TMEM131: variants seen among roughly 807,000 people sequenced by gnomAD.
TMEM131 encodes 2610524E03Rik.
A neutral mutation model predicts 211.6 loss-of-function variants in TMEM131; 66 were observed. That is an observed-to-expected ratio of 0.31 (90% CI 0.26 to 0.38). The LOEUF (loss-of-function observed/expected upper bound fraction) is 0.38, where lower values mean the gene tolerates loss of function less well. Among genes scored for constraint, TMEM131 ranks in the 10% least tolerant of loss-of-function variants. The probability of loss-of-function intolerance (pLI) is 1.00; values close to 1 mark genes in which losing one functional copy is unlikely to be tolerated. For synonymous variants in TMEM131, 844 were observed against 841.3 expected (o/e 1.00, Z -0.06); for missense variants, 2,036 against 2,299.3 (o/e 0.89, Z 2.34).
At chr2:97,827,362 G>A in intron 11 of TMEM131, 1 of 856,202 alleles carries the variant, frequency 1.2e-6, no homozygotes, top group Non-Finnish European at 2.1e-6. Flanking sequence ...GCCGAAAAAG[G>A]CAGCAGCGAA....
At chr2:97,988,279 C>T (rs1404503392) in intron 1 of TMEM131, among the ~76,000 whole-genome samples, 2 of 152,112 alleles carry the variant, frequency 1.3e-5, no homozygotes, top group Non-Finnish European at 2.9e-5. Flanking sequence ...GAGTTATACC[C>T]TTTATCTTAC....
intron 1 of TMEM131, among the ~76,000 whole-genome samples, chr2:97,979,792 T>C (rs1257921925): frequency 1.3e-5 from 2 of 152,214 alleles, no homozygotes; most frequent in African/African-American, 4.8e-5. Flanking sequence ...AGAGTAGCAC[T>C]TTTAACTTCC....
At chr2:97,887,928 T>A (rs1675226816) in intron 4 of TMEM131, 124 bp downstream of exon 4, 2 of 697,914 alleles carry the variant, frequency 2.9e-6, no homozygotes, top group East Asian at 5.5e-5. Context: ...TCATTTGTTT[T>A]CCTGATGACT....
intron 3 of TMEM131, among the ~76,000 whole-genome samples, chr2:97,895,520 C>CTA (rs1405433560): frequency 6.6e-6 from 1 of 152,092 alleles, no homozygotes; most frequent in Non-Finnish European, 1.5e-5. Flanking sequence ...GGTTGGTAGG[C>CTA]TATTAATCAC....
chr2:97,875,114 A>C (rs1206489127), intron 4 of TMEM131, among the ~76,000 whole-genome samples: 1 of 152,242 alleles, frequency 6.6e-6, no homozygotes, highest in African/African-American at 2.4e-5. Context: ...CAAAAGAGAC[A>C]AAGAAGGGCA....
intron 1 of TMEM131, among the ~76,000 whole-genome samples, chr2:97,973,675 A>G (rs776662396): frequency 3.3e-5 from 5 of 152,250 alleles, no homozygotes; most frequent in Non-Finnish European, 7.3e-5. Flanking sequence ...CAAAAGGATT[A>G]GAGGAACAAT....
chr2:97,984,296 T>C lies in TMEM131; in HGVS notation c.187+11180A>G, dbSNP rs115676682. Reference sequence around the variant, plus strand: ...GTATTTCTACATTTTCATTTTTTCATAGAAAATTTAACAGCAACTTTCCTA... The same window carrying C: ...GTATTTCTACATTTTCATTTTTTCACAGAAAATTTAACAGCAACTTTCCTA... On this transcript the variant is annotated intron_variant, in intron 1 of 40. Transcript: ENST00000186436. Among the ~76,000 whole-genome samples the C allele has an allele frequency of 2.8e-3, 421 of 152,314 alleles. 3 individuals carry two copies. Among genetic ancestry groups the C allele is most frequent in the African/African-American group, 9.6e-3 (401 of 41,576 alleles).
chr2:97,795,028 A>G lies in TMEM131; in HGVS notation c.3288T>C (p.Asn1096=). ...CTAACATATGGTAAGGAAGGGATGC[A>G]TTCAATATAAATACAAACTCAGAGC... ...TSGSEFVFIL[N]ASLPYHMLAT... Residue 1096 remains asparagine (N), a synonymous_variant, in exon 29 of 41, where the codon AAT becomes AAC. Coordinates refer to ENST00000186436, the MANE Select transcript of TMEM131 (RefSeq NM_015348.2). 1 of 1,613,868 alleles carries G rather than the reference A, an allele frequency of 6.2e-7. No individual in the cohort carries two copies. Among genetic ancestry groups the G allele is most frequent in the Non-Finnish European group, 8.5e-7 (1 of 1,179,758 alleles).
In TMEM131 at chr2:97,986,129, G is replaced by A. The variant is rs536583606; in HGVS notation, c.187+9347C>T. Among the ~76,000 whole-genome samples the A allele has an allele frequency of 1.1e-4, 16 of 152,218 alleles. No individual in the cohort carries two copies. The South Asian group carries it at 2.1e-3, about 20-fold the overall frequency. ...TGATCAAACACAAATACAAATGGTC[G>A]CAAATGTATAAAAGTATTCAGTCTT... is the stretch of plus-strand genomic sequence containing the variant. On this transcript the variant is annotated intron_variant, in intron 1 of 40. Coordinates refer to ENST00000186436, the MANE Select transcript of TMEM131 (RefSeq NM_015348.2).
At chr2:97,854,732 G>A (rs1673767987) in intron 5 of TMEM131, among the ~76,000 whole-genome samples, 1 of 152,134 alleles carries the variant, frequency 6.6e-6, no homozygotes, top group African/African-American at 2.4e-5. Context: ...TGGTCTGGCT[G>A]TCTTTGCACA....
chr2:97,978,732 C>T (rs553813323), intron 1 of TMEM131, among the ~76,000 whole-genome samples: 5 of 152,322 alleles, frequency 3.3e-5, no homozygotes, highest in African/African-American at 9.6e-5. Flanking sequence ...CCTCTACTGA[C>T]ATCTTGAACT....
intron 4 of TMEM131, among the ~76,000 whole-genome samples, chr2:97,887,204 A>AGG (rs1393528982): frequency 6.6e-6 from 1 of 152,242 alleles, no homozygotes. Flanking sequence ...TGTGTCTGCC[A>AGG]GGGGCAGCCT....
intron 1 of TMEM131, among the ~76,000 whole-genome samples, chr2:97,941,373 A>C (rs1487956491): frequency 6.6e-6 from 1 of 152,190 alleles, no homozygotes; most frequent in Non-Finnish European, 1.5e-5. Context: ...TAAAAACCCT[A>C]GAAGAAAACC....
At chr2:97,769,585 G>A (rs993839985) in intron 33 of TMEM131, among the ~76,000 whole-genome samples, 3 of 152,110 alleles carry the variant, frequency 2.0e-5, no homozygotes, top group Admixed American at 6.5e-5. Context: ...AGTTGAGAGT[G>A]TTATTTAAGC....
chr2:97,893,122 ATGAG>A (rs1351845401), intron 3 of TMEM131, among the ~76,000 whole-genome samples: 9 of 152,132 alleles, frequency 5.9e-5, no homozygotes, highest in Middle Eastern at 6.8e-3. Context: ...ACTCCCACTT[ATGAG>A]TGAGAACATG....
intron 29 of TMEM131, among the ~76,000 whole-genome samples, chr2:97,794,544 A>G (rs1032334932): frequency 6.6e-6 from 1 of 152,236 alleles, no homozygotes; most frequent in African/African-American, 2.4e-5. Context: ...CTTGAAACAC[A>G]AAGTAATATA....
At chr2:97,886,990 G>A (rs1675189141) in intron 4 of TMEM131, among the ~76,000 whole-genome samples, 1 of 152,254 alleles carries the variant, frequency 6.6e-6, no homozygotes, top group South Asian at 2.1e-4. Context: ...ATGGCCCGCA[G>A]GGCTGTTTTT....
chr2:97,967,357 T>C (rs1679102899), intron 1 of TMEM131, among the ~76,000 whole-genome samples: 1 of 152,184 alleles, frequency 6.6e-6, no homozygotes, highest in Non-Finnish European at 1.5e-5. Context: ...AGCAGTGTAC[T>C]GAAAAATATA....
At chr2:97,872,503 G>C (rs1674529791) in intron 4 of TMEM131, among the ~76,000 whole-genome samples, 1 of 151,980 alleles carries the variant, frequency 6.6e-6, no homozygotes, top group Admixed American at 6.6e-5. Context: ...AACAGCTCCA[G>C]TCTGCGGCTC....
Sources: allele counts gnomAD v4.1 joint callset (sites outside exome capture counted in the v4.1 genomes callset), GRCh38; gene constraint gnomAD v4.1.1; transcripts MANE v1.5; gene names NCBI Gene and HGNC (gene_info 2026-07-23, HGNC 2026-07-21).